CFAP36: variants seen among roughly 807,000 people sequenced by gnomAD.
CFAP36 encodes the protein cilia- and flagella-associated protein 36.
Under a neutral mutation model 50.5 loss-of-function variants are expected in CFAP36, and 37 were observed. The ratio of observed to expected loss-of-function variants is 0.73; its 90% CI spans 0.56 to 0.96. CFAP36 has a LOEUF of 0.96. Ranked by LOEUF, CFAP36 falls within the 50% of genes least tolerant of loss-of-function variation. The probability of loss-of-function intolerance (pLI) is 0.00; values close to 1 mark genes in which losing one functional copy is unlikely to be tolerated. For synonymous variants in CFAP36, 138 were observed against 128.2 expected (o/e 1.08, Z -0.52); for missense variants, 407 against 396.2 (o/e 1.03, Z -0.23).
chr2:55,522,926 C>G (rs888958616), intron 2 of CFAP36, among the ~76,000 whole-genome samples: 1 of 151,864 alleles, frequency 6.6e-6, no homozygotes, highest in African/African-American at 2.4e-5. Context: ...GAAACTCCAT[C>G]TTTATAAAAA....
At chr2:55,538,836 G>T (rs1684561621) in intron 7 of CFAP36, 2 of 1,533,906 alleles carry the variant, frequency 1.3e-6, no homozygotes, top group Non-Finnish European at 1.8e-6. Flanking sequence ...ACTTACCTTG[G>T]TCTTCTGACA....
At position 55,544,378 on chromosome 2, in the gene CFAP36, A is replaced by G; in HGVS notation, c.927+9A>G. 6.3e-7 allele frequency: 1 copy of G among 1,593,876 alleles called. No homozygotes were observed. Among genetic ancestry groups the G allele is most frequent in the African/African-American group, 1.4e-5 (1 of 73,742 alleles). ...CCACTGGGGAGGTAGAGGTATGGCT[A>G]GCCTTAATATGTCAAGATTTACAAA... On this transcript the variant is annotated intron_variant, in intron 9 of 9. Coordinates refer to ENST00000349456, the MANE Select transcript of CFAP36 (RefSeq NM_080667.7).
chr2:55,526,024 T>C (rs962882916), intron 3 of CFAP36, among the ~76,000 whole-genome samples: 1 of 152,268 alleles, frequency 6.6e-6, no homozygotes, highest in Non-Finnish European at 1.5e-5. Flanking sequence ...CCATCATTCC[T>C]TTCATAATGC....
chr2:55,544,001 A>C lies in CFAP36; in HGVS notation c.704A>C (p.Glu235Ala). 2 of 1,614,016 alleles carry C rather than the reference A, an allele frequency of 1.2e-6. No homozygotes were observed. Among genetic ancestry groups the C allele is most frequent in the South Asian group, 1.1e-5 (1 of 91,082 alleles). The change falls in exon 8 of 10, where the codon GAA (glutamate) becomes GCA (alanine). Residue 235 changes from glutamate to alanine, a missense_variant. Glu to Ala is a moderately radical substitution (Grantham distance 107). Transcript: ENST00000349456. ...TTGGGAAGAAAAGTGGAAAGGTCTG[A>C]AACTTCCTCCCTCCCACAAAAAGAC... is the stretch of plus-strand genomic sequence containing the variant. ...EPLGRKVERS[E>A]TSSLPQKDLK...
intron 4 of CFAP36, among the ~76,000 whole-genome samples, chr2:55,531,990 G>T (rs1684363218): frequency 6.6e-6 from 1 of 152,144 alleles, no homozygotes; most frequent in Non-Finnish European, 1.5e-5. Context: ...TAAACATAAG[G>T]TAATACTTAG....
chr2:55,542,222 C>T (rs1425494329), intron 7 of CFAP36, among the ~76,000 whole-genome samples: 1 of 152,156 alleles, frequency 6.6e-6, no homozygotes, highest in Non-Finnish European at 1.5e-5. Context: ...CTAAGTGAAG[C>T]TATAGAAAAC....
Position 55,539,819 on chromosome 2 carries a change from T to G in CFAP36, c.640+2234T>G, listed in dbSNP as rs562978209. On this transcript the variant is annotated intron_variant, in intron 7 of 9. Coordinates refer to ENST00000349456, the MANE Select transcript of CFAP36 (RefSeq NM_080667.7). Reference sequence around the variant, plus strand: ...TGGATTTGGAGTATTCTAGTAGGTGTGTAGTGGTATCTCATTGTTGTTTTA... The same window carrying G: ...TGGATTTGGAGTATTCTAGTAGGTGGGTAGTGGTATCTCATTGTTGTTTTA... 3.9e-5 allele frequency among the ~76,000 whole-genome samples: 6 copies of G among 152,360 alleles called. No homozygotes were observed. The East Asian group carries it at 1.2e-3, about 29-fold the overall frequency.
At position 55,545,017 on chromosome 2, in the gene CFAP36, A is replaced by G. The variant is rs1684735091; in HGVS notation, c.*9A>G. ...AAGTTATTAATAAGTAATAATTAAG[A>G]ACAATTTAACAAAATGGAAGTTCAA... On this transcript the variant is annotated 3_prime_UTR_variant, in exon 10 of 10. Coordinates refer to ENST00000349456, the MANE Select transcript of CFAP36 (RefSeq NM_080667.7). The G allele has an allele frequency of 6.9e-7, 1 of 1,441,812 alleles. No homozygotes were observed. The allele number at this position is 1,441,812 out of a possible 1,614,324, so 89.3% of individuals were successfully genotyped here. A position where few individuals can be genotyped will look rare whatever the true frequency, so the allele number is the denominator to read the frequency against.
At chr2:55,538,729 C>T in intron 7 of CFAP36, 1 of 1,499,440 alleles carries the variant, frequency 6.7e-7, no homozygotes, top group South Asian at 1.2e-5. Flanking sequence ...AGGCATGAGC[C>T]ACTGTACCCA....
chr2:55,523,906 T>A, intron 3 of CFAP36, 84 bp downstream of exon 3: 1 of 824,154 alleles, frequency 1.2e-6, no homozygotes. Context: ...AATGTTTGAT[T>A]GACAAAGTGT....
At chr2:55,534,021 T>G (rs561204184) in intron 5 of CFAP36, 61 bp downstream of exon 5, 144 of 978,102 alleles carry the variant, frequency 1.5e-4, no homozygotes, top group Non-Finnish European at 7.7e-6. Context: ...TCTGTACATA[T>G]GCTTTTTGCC....
At chr2:55,524,548 G>A (rs776326428) in intron 3 of CFAP36, among the ~76,000 whole-genome samples, 4 of 150,040 alleles carry the variant, frequency 2.7e-5, no homozygotes, top group African/African-American at 9.8e-5. Context: ...TTACAGGCAT[G>A]AGCCACCACG....
chr2:55,522,025 GA>G, intron 1 of CFAP36, 76 bp from the exon 2 acceptor site: 1 of 709,710 alleles, frequency 1.4e-6, no homozygotes, highest in South Asian at 1.7e-5. Context: ...GTTCTATTTG[GA>G]AGGAGTGGAT....
intron 7 of CFAP36, among the ~76,000 whole-genome samples, chr2:55,540,899 G>A (rs567214401): frequency 6.6e-6 from 1 of 152,154 alleles, no homozygotes; most frequent in Non-Finnish European, 1.5e-5. Flanking sequence ...TGTAGTCCCA[G>A]CCTCTAGGGA....
At chr2:55,536,016 A>G (rs1022235923) in intron 6 of CFAP36, 3 of 627,734 alleles carry the variant, frequency 4.8e-6, no homozygotes, top group Admixed American at 4.6e-5. Context: ...AATTAATCTT[A>G]CAGGACATGC....
intron 8 of CFAP36, 31 bp from the exon 9 acceptor site, chr2:55,544,188 AT>A (rs762173970): frequency 2.7e-5 from 44 of 1,607,784 alleles, no homozygotes; most frequent in Non-Finnish European, 3.7e-5. Context: ...ATGGATTTGA[AT>A]TTAGATAGCT....
At chr2:55,539,670 T>C (rs1028823073) in intron 7 of CFAP36, 1 of 152,278 alleles carries the variant, frequency 6.6e-6, no homozygotes, top group Admixed American at 6.5e-5. Flanking sequence ...ACAGTAAGAG[T>C]ATGTTTAGTT....
At chr2:55,520,357 G>T (rs1684029228) in intron 1 of CFAP36, 3 of 1,468,836 alleles carry the variant, frequency 2.0e-6, no homozygotes, top group Middle Eastern at 1.8e-4. Flanking sequence ...ATTTCGCCCG[G>T]TGTAGTCAGC....
intron 5 of CFAP36, among the ~76,000 whole-genome samples, chr2:55,535,452 A>C (rs1684455897): frequency 6.6e-6 from 1 of 152,212 alleles, no homozygotes; most frequent in Admixed American, 6.5e-5. Context: ...GTTGATCTTT[A>C]TTCAGCTAGG....
Sources: allele counts gnomAD v4.1 joint callset (sites outside exome capture counted in the v4.1 genomes callset), GRCh38; gene constraint gnomAD v4.1.1; transcripts MANE v1.5; gene names NCBI Gene and HGNC (gene_info 2026-07-23, HGNC 2026-07-21).